The following STAG1 variants were observed in gnomAD, a reference collection of about 807,000 sequenced individuals.
The protein encoded by STAG1 is STAG1 cohesin complex component.
STAG1 carries 26 observed loss-of-function variants against 170.9 expected under a neutral mutation model. The ratio of observed to expected loss-of-function variants is 0.15; its 90% CI spans 0.11 to 0.21. The LOEUF (loss-of-function observed/expected upper bound fraction) is 0.21. Ranked by LOEUF, STAG1 falls within the 10% of genes least tolerant of loss-of-function variation. STAG1 has a pLI of 1.00. For synonymous variants in STAG1, 514 were observed against 497.7 expected, an observed-to-expected ratio of 1.03 and a Z score of -0.44; for missense variants, 964 against 1,509.5, an observed-to-expected ratio of 0.64 and a Z score of 5.99.
At chr3:136,721,059 G>C (rs1302850374) in intron 1 of STAG1, among the ~76,000 whole-genome samples, 1 of 152,304 alleles carries the variant, frequency 6.6e-6, no homozygotes, top group Middle Eastern at 3.4e-3. Flanking sequence ...GAATCCAGCA[G>C]TTCCTTCCTT....
chr3:136,427,046 C>T (rs1193157234), intron 16 of STAG1, among the ~76,000 whole-genome samples: 7 of 146,216 alleles, frequency 4.8e-5, no homozygotes, highest in Non-Finnish European at 7.5e-5. Context: ...GGCGACAGAG[C>T]GAGACTCGTC....
chr3:136,614,508 G>A (rs1939480849), intron 3 of STAG1, among the ~76,000 whole-genome samples: 1 of 152,150 alleles, frequency 6.6e-6, no homozygotes. Flanking sequence ...AGTAAGTAAT[G>A]AATTTCATGG....
At chr3:136,613,117 A>G (rs1405238618) in intron 3 of STAG1, among the ~76,000 whole-genome samples, 1 of 151,926 alleles carries the variant, frequency 6.6e-6, no homozygotes, top group African/African-American at 2.4e-5. Context: ...CCTGGCTAAC[A>G]TGGTGAAACT....
intron 14 of STAG1, among the ~76,000 whole-genome samples, chr3:136,446,501 C>T (rs746172416): frequency 1.3e-5 from 2 of 152,064 alleles, no homozygotes; most frequent in Non-Finnish European, 2.9e-5. Flanking sequence ...CGGCTCACTG[C>T]AACCTCCGCC....
chr3:136,670,023 C>T (rs1425547553), intron 1 of STAG1, among the ~76,000 whole-genome samples: 1 of 152,120 alleles, frequency 6.6e-6, no homozygotes, highest in Non-Finnish European at 1.5e-5. Context: ...ATATAAATTC[C>T]AGGACCTGGC....
intron 13 of STAG1, among the ~76,000 whole-genome samples, chr3:136,457,116 C>G (rs879438559): frequency 1.3e-5 from 2 of 152,100 alleles, no homozygotes; most frequent in Non-Finnish European, 2.9e-5. Context: ...TGTCCGGGGT[C>G]CAGGGTCTAA....
At chr3:136,512,118 A>T (rs997789118) in intron 7 of STAG1, among the ~76,000 whole-genome samples, 1 of 150,598 alleles carries the variant, frequency 6.6e-6, no homozygotes, top group East Asian at 1.9e-4. Context: ...AAAAAAAAAA[A>T]AAGGAAAGGA....
chr3:136,703,883 A>T (rs746546782), intron 1 of STAG1, among the ~76,000 whole-genome samples: 7 of 151,670 alleles, frequency 4.6e-5, no homozygotes, highest in Non-Finnish European at 1.0e-4. Context: ...ATGGTGGCAC[A>T]CACCTATAGT....
At chr3:136,733,909 C>T (rs923928508) in intron 1 of STAG1, among the ~76,000 whole-genome samples, 4 of 152,042 alleles carry the variant, frequency 2.6e-5, no homozygotes, top group Non-Finnish European at 5.9e-5. Context: ...AGATCAAGAC[C>T]ATCCTGGCTA....
At chr3:136,517,976 G>C (rs1934469519) in intron 7 of STAG1, 1 of 156,746 alleles carries the variant, frequency 6.4e-6, no homozygotes, top group African/African-American at 2.4e-5. Flanking sequence ...TAAAAAGAGA[G>C]TTTACCTCCA....
intron 4 of STAG1, among the ~76,000 whole-genome samples, chr3:136,575,351 A>T (rs1375350615): frequency 1.3e-5 from 2 of 152,124 alleles, no homozygotes; most frequent in African/African-American, 4.8e-5. Context: ...CAGCCTCTCA[A>T]GTAGCTGGGA....
intron 6 of STAG1, among the ~76,000 whole-genome samples, chr3:136,521,843 G>A (rs907577359): frequency 3.9e-5 from 6 of 152,166 alleles, no homozygotes; most frequent in African/African-American, 1.2e-4. Flanking sequence ...GAATTTTTAA[G>A]AAGTGAGAAT....
intron 1 of STAG1, among the ~76,000 whole-genome samples, chr3:136,632,832 A>G (rs1940383782): frequency 6.6e-6 from 1 of 152,166 alleles, no homozygotes; most frequent in Non-Finnish European, 1.5e-5. Flanking sequence ...GCAAATGGCC[A>G]GGCTATTTAT....
chr3:136,531,722 G>T lies in STAG1; in HGVS notation c.472-10305C>A, dbSNP rs1257810166. Among the ~76,000 whole-genome samples the T allele has an allele frequency of 2.8e-5, 4 of 144,234 alleles. No individual in the cohort carries two copies. The East Asian group carries it at 8.4e-4, about 30-fold the overall frequency. 94.6% of individuals were successfully genotyped at this position (144,234 alleles called of 152,430 possible). A position where few individuals can be genotyped will look rare whatever the true frequency, so the allele number is the denominator to read the frequency against. ...GGGAATTGAACAATGAGATCACATG[G>T]ACACAGGAAGGGGAATATCACACTC... On this transcript the variant is annotated intron_variant, in intron 6 of 33. Coordinates refer to ENST00000383202, the MANE Select transcript of STAG1 (RefSeq NM_005862.3).
intron 23 of STAG1, among the ~76,000 whole-genome samples, chr3:136,372,197 T>A (rs554507213): frequency 6.6e-6 from 1 of 152,356 alleles, no homozygotes; most frequent in East Asian, 1.9e-4. Context: ...CACATTGATT[T>A]TGTATCCTGA....
chr3:136,512,362 A>T (rs1015993350), intron 7 of STAG1, among the ~76,000 whole-genome samples: 1 of 152,134 alleles, frequency 6.6e-6, no homozygotes, highest in Non-Finnish European at 1.5e-5. Flanking sequence ...CAGCTATTAG[A>T]AGTAGTAGGT....
intron 24 of STAG1, 119 bp from the exon 25 acceptor site, chr3:136,367,201 A>G (rs1228036960): frequency 1.2e-6 from 1 of 812,442 alleles, no homozygotes; most frequent in Non-Finnish European, 1.9e-6. Context: ...AGTACAATTC[A>G]GTTTTAGATG....
chr3:136,403,292 G>GA (rs1389911281), intron 21 of STAG1, among the ~76,000 whole-genome samples: 1 of 99,610 alleles, frequency 1.0e-5, no homozygotes, highest in Non-Finnish European at 2.2e-5. Flanking sequence ...GAAAAGGGAA[G>GA]AAAAAAAGAA....
At chr3:136,442,634 ATAAAAGGTT>A (rs1383521282) in intron 15 of STAG1, among the ~76,000 whole-genome samples, 1 of 151,710 alleles carries the variant, frequency 6.6e-6, no homozygotes, top group Non-Finnish European at 1.5e-5. Context: ...ATCATTATGC[ATAAAAGGTT>A]TTTTCAAAGT....
Sources: allele counts gnomAD v4.1 joint callset (sites outside exome capture counted in the v4.1 genomes callset), GRCh38; gene constraint gnomAD v4.1.1; transcripts MANE v1.5; gene names NCBI Gene and HGNC (gene_info 2026-07-23, HGNC 2026-07-21).